ANKFN1: variants seen among roughly 807,000 people sequenced by gnomAD.
The protein encoded by ANKFN1 is ankyrin repeat and fibronectin type-III domain-containing protein 1.
Under a neutral mutation model 108.7 loss-of-function variants are expected in ANKFN1, and 74 were observed. That is an observed-to-expected ratio of 0.68 (90% CI 0.56 to 0.83). The LOEUF is 0.83. ANKFN1 is among the 40% of genes least tolerant of loss of function. The pLI, the probability that ANKFN1 is intolerant of heterozygous loss-of-function variation, is 0.00. For synonymous variants in ANKFN1, 547 were observed against 516.2 expected, an observed-to-expected ratio of 1.06 and a Z score of -0.81; for missense variants, 1,505 against 1,382.3, an observed-to-expected ratio of 1.09 and a Z score of -1.41.
At chr17:56,224,484 A>G (rs1916110157) in intron 2 of ANKFN1, among the ~76,000 whole-genome samples, 1 of 152,212 alleles carries the variant, frequency 6.6e-6, no homozygotes, top group South Asian at 2.1e-4. Flanking sequence ...ATTTTACTCC[A>G]TAGGTTACAT....
rs1233856095 is a variant in ANKFN1, at chr17:56,498,998, G to A, written c.2544G>A (p.Glu848=). The change falls in exon 20 of 21, where the codon GAG becomes GAA. Residue 848 remains glutamate, a synonymous_variant. Coordinates refer to ENST00000682825, the MANE Select transcript of ANKFN1 (RefSeq NM_001370326.1). ...PITKLIDPSD[E]QSLKKINSTS... is the part of the protein sequence containing the mutation. The stretch of plus-strand genomic sequence containing the variant: ...CTAAGCTGATAGACCCCTCAGATGA[G>A]CAGAGCCTAAAGAAGATCAATTCTA... The A allele has an allele frequency of 2.0e-6, 3 of 1,535,724 alleles. No individual in the cohort carries two copies. Among genetic ancestry groups the A allele is most frequent in the South Asian group, 2.4e-5 (2 of 84,050 alleles).
At chr17:56,329,046 C>G (rs1355921543) in intron 4 of ANKFN1, among the ~76,000 whole-genome samples, 1 of 152,162 alleles carries the variant, frequency 6.6e-6, no homozygotes, top group Non-Finnish European at 1.5e-5. Context: ...CATCCCTCCC[C>G]TTTCCAGCAA....
At chr17:56,322,783 G>A (rs1837701874) in intron 3 of ANKFN1, among the ~76,000 whole-genome samples, 5 of 152,078 alleles carry the variant, frequency 3.3e-5, no homozygotes. Flanking sequence ...TGTTCCCTTA[G>A]CACATTGCTC....
intron 3 of ANKFN1, among the ~76,000 whole-genome samples, chr17:56,234,528 G>T (rs1441192817): frequency 6.6e-6 from 1 of 151,924 alleles, no homozygotes; most frequent in South Asian, 2.1e-4. Flanking sequence ...GTAGGTCCCG[G>T]TGTCTGTTGT....
At chr17:56,327,748 G>C (rs1003655246) in intron 4 of ANKFN1, among the ~76,000 whole-genome samples, 1 of 152,200 alleles carries the variant, frequency 6.6e-6, no homozygotes, top group Non-Finnish European at 1.5e-5. Context: ...GTGGATCTCT[G>C]TTCTGCCATT....
intron 3 of ANKFN1, among the ~76,000 whole-genome samples, chr17:56,313,174 A>C (rs981397280): frequency 4.0e-5 from 6 of 151,880 alleles, no homozygotes; most frequent in East Asian, 1.9e-4. Context: ...AGAAAAAAAA[A>C]CCAGGGTGCT....
chr17:56,436,852 A>G (rs976863506), intron 8 of ANKFN1, among the ~76,000 whole-genome samples: 2 of 151,932 alleles, frequency 1.3e-5, no homozygotes, highest in Non-Finnish European at 2.9e-5. Flanking sequence ...AAAAAAAAAA[A>G]AAAGAATTCC....
chr17:56,181,002 T>G (rs1911630633), intron 1 of ANKFN1, among the ~76,000 whole-genome samples: 1 of 152,182 alleles, frequency 6.6e-6, no homozygotes, highest in South Asian at 2.1e-4. Context: ...TGTAGCACAT[T>G]AAGGGCTCTT....
At position 56,055,191 on chromosome 17, in the gene ANKFN1, G is replaced by C. The variant is rs1278794490; in HGVS notation, c.288+8866G>C. Reference sequence around the variant, plus strand: ...CAAATAGTAAACATTGTACCTGATAGGTAGTTTTTCAACCCTTGCCCACCT... The same window carrying C: ...CAAATAGTAAACATTGTACCTGATACGTAGTTTTTCAACCCTTGCCCACCT... On this transcript the variant is annotated intron_variant, in intron 4 of 12. Coordinates refer to the ANKFN1 transcript ENST00000635860. Among the ~76,000 whole-genome samples the C allele has an allele frequency of 2.0e-5, 3 of 151,842 alleles. No individual in the cohort carries two copies. The East Asian group carries it at 5.8e-4, about 29-fold the overall frequency.
chr17:56,456,889 C>T lies in ANKFN1; in HGVS notation c.1236C>T (p.Arg412=). Reference sequence around the variant, plus strand: ...GCACAAAATTACAAACCACAGGCCGCAAGCAGTCAGTCTCAAGAAGCCTGA... The same window carrying T: ...GCACAAAATTACAAACCACAGGCCGTAAGCAGTCAGTCTCAAGAAGCCTGA... ...RESTKLQTTG[R]KQSVSRSLKH... Residue 412 remains arginine, a synonymous_variant, in exon 12 of 21, where the codon CGC becomes CGT. Transcript: ENST00000682825. 4.3e-6 allele frequency: 7 copies of T among 1,614,084 alleles called. No homozygotes were observed. Among genetic ancestry groups the T allele is most frequent in the Non-Finnish European group, 5.9e-6 (7 of 1,180,014 alleles).
At chr17:56,405,383 A>G (rs1052789639) in intron 8 of ANKFN1, among the ~76,000 whole-genome samples, 4 of 152,224 alleles carry the variant, frequency 2.6e-5, no homozygotes, top group African/African-American at 9.6e-5. Context: ...AAAGTTTAAT[A>G]TACGCTCTAT....
chr17:56,227,276 A>G (rs891048816), intron 2 of ANKFN1, among the ~76,000 whole-genome samples: 1 of 152,148 alleles, frequency 6.6e-6, no homozygotes, highest in Non-Finnish European at 1.5e-5. Flanking sequence ...GCCACACTGA[A>G]CAAATTGCCT....
At chr17:56,215,992 C>T (rs545110482) in intron 2 of ANKFN1, among the ~76,000 whole-genome samples, 1 of 152,154 alleles carries the variant, frequency 6.6e-6, no homozygotes, top group Admixed American at 6.5e-5. Flanking sequence ...TAAACAGTTG[C>T]CTGAGTTTAT....
rs1430560158 is a variant in ANKFN1, at chr17:56,449,125, T to A, written c.1146T>A (p.Ser382Arg). 6.2e-7 allele frequency: 1 copy of A among 1,613,180 alleles called. No individual in the cohort carries two copies. The highest frequency in any genetic ancestry group is 1.1e-5 in the South Asian group (1 of 91,048). Residue 382 changes from serine (S) to arginine (R), a missense_variant, in exon 11 of 21, where the codon AGT (serine) becomes AGA (arginine). Physicochemically the swap from Ser to Arg is moderately radical, Grantham distance 110. Coordinates refer to ENST00000682825, the MANE Select transcript of ANKFN1 (RefSeq NM_001370326.1). ...DDREPRHKGQ[S>R]EVLEGLLQQV... The stretch of plus-strand genomic sequence containing the variant: ...GAGAGCCCAGACACAAGGGACAGAG[T>A]GAAGTTTTGGAAGGTCTGCTGCAGC...
chr17:56,218,675 A>AG (rs1915618739), intron 2 of ANKFN1, among the ~76,000 whole-genome samples: 1 of 152,154 alleles, frequency 6.6e-6, no homozygotes, highest in Non-Finnish European at 1.5e-5. Flanking sequence ...TCTCTGGATC[A>AG]CCAGAGCCAT....
In ANKFN1 at chr17:56,515,710, C is replaced by T. The variant is rs1265713787; in HGVS notation, c.*4441C>T. On this transcript the variant is annotated 3_prime_UTR_variant, in exon 21 of 21. Coordinates refer to ENST00000682825, the MANE Select transcript of ANKFN1 (RefSeq NM_001370326.1). ...TAGCAAAAAGTATTTTTAGAAAAAT[C>T]CATTGACTGTTTATGAAGCACTGAT... 6.6e-6 allele frequency among the ~76,000 whole-genome samples: 1 copy of T among 152,186 alleles called. No homozygotes were observed. The highest frequency in any genetic ancestry group is 1.5e-5 in the Non-Finnish European group (1 of 68,018).
chr17:56,162,992 G>A lies in ANKFN1; in HGVS notation c.-71+9462G>A, dbSNP rs531443373. ...AGAGGTTGCAGTGAGCCGAGATCGC[G>A]CCACTGCACTCCAGCCTGGGTGACG... is the stretch of plus-strand genomic sequence containing the variant. On this transcript the variant is annotated intron_variant, in intron 1 of 20. Transcript: ENST00000682825. 7.3e-5 allele frequency among the ~76,000 whole-genome samples: 11 copies of A among 150,184 alleles called. No individual in the cohort carries two copies. In the South Asian group the frequency reaches 2.3e-3, roughly 32 times the overall value.
At chr17:56,268,940 A>C (rs1243519701) in intron 3 of ANKFN1, among the ~76,000 whole-genome samples, 3 of 152,228 alleles carry the variant, frequency 2.0e-5, no homozygotes, top group African/African-American at 7.2e-5. Flanking sequence ...CAAAATGCTC[A>C]GAAAATGCTT....
intron 8 of ANKFN1, among the ~76,000 whole-genome samples, chr17:56,435,419 G>A (rs1276963341): frequency 2.0e-5 from 3 of 152,194 alleles, no homozygotes; most frequent in Non-Finnish European, 4.4e-5. Flanking sequence ...AATTGCTAAG[G>A]GAAAATTGGC....
Sources: gnomAD v4.1 joint callset for allele counts (sites outside exome capture counted in the v4.1 genomes callset) on GRCh38, gnomAD v4.1.1 for gene constraint, MANE v1.5 for transcripts, NCBI Gene and HGNC (gene_info 2026-07-23, HGNC 2026-07-21) for gene names.